Variants in GCA observed in about 807,000 individuals in gnomAD.
GCA encodes the protein grancalcin, EF-hand calcium-binding protein.
GCA carries 30 observed loss-of-function variants against 32.6 expected under a neutral mutation model. The observed-to-expected ratio is 0.92, with a 90% CI of 0.69 to 1.25. The LOEUF (loss-of-function observed/expected upper bound fraction) is 1.25, where lower values mean the gene tolerates loss of function less well. GCA is among the 50% of genes most tolerant of loss of function. The probability of loss-of-function intolerance (pLI) is 0.00; values close to 1 mark genes in which losing one functional copy is unlikely to be tolerated. For synonymous variants in GCA, 102 were observed against 84.6 expected, an observed-to-expected ratio of 1.21 and a Z score of -1.13; for missense variants, 291 against 266.8, an observed-to-expected ratio of 1.09 and a Z score of -0.63.
At chr2:162,372,735 A>C (rs1040164939), downstream of GCA, among the ~76,000 whole-genome samples, 24 of 152,156 alleles carry the variant, frequency 1.6e-4, no homozygotes, top group African/African-American at 5.8e-4. Flanking sequence ...ACAAATCTTT[A>C]TTTAAATCAT....
intron 1 of GCA, among the ~76,000 whole-genome samples, chr2:162,336,303 G>T (rs751462886): frequency 3.3e-5 from 5 of 152,090 alleles, no homozygotes; most frequent in Non-Finnish European, 5.9e-5. Flanking sequence ...TTGATGTGTA[G>T]ATTTATTTAA....
chr2:162,322,094 A>C (rs1190442140), intron 1 of GCA, among the ~76,000 whole-genome samples: 2 of 150,310 alleles, frequency 1.3e-5, no homozygotes, highest in African/African-American at 2.5e-5. Flanking sequence ...AGTAAGCCTA[A>C]AATAGAAAAA....
intron 1 of GCA, among the ~76,000 whole-genome samples, chr2:162,345,474 T>C (rs1381102944): frequency 6.6e-6 from 1 of 152,180 alleles, no homozygotes; most frequent in African/African-American, 2.4e-5. Flanking sequence ...AATTCATATA[T>C]GTATGGTAGA....
chr2:162,334,025 TG>T (rs1302860271), intron 1 of GCA, among the ~76,000 whole-genome samples: 1 of 152,190 alleles, frequency 6.6e-6, no homozygotes, highest in African/African-American at 2.4e-5. Flanking sequence ...TTTGAAGAGG[TG>T]GCAGGGACAA....
At chr2:162,319,896 A>G (rs1683602948) in intron 1 of GCA, among the ~76,000 whole-genome samples, 1 of 152,222 alleles carries the variant, frequency 6.6e-6, no homozygotes, top group Admixed American at 6.5e-5. Flanking sequence ...AGGATAATAG[A>G]AGTACAGAGT....
At chr2:162,322,470 A>C (rs1015013987) in intron 1 of GCA, among the ~76,000 whole-genome samples, 2 of 151,210 alleles carry the variant, frequency 1.3e-5, no homozygotes, top group East Asian at 1.9e-4. Context: ...GGTTGGTTAC[A>C]TATGTATACA....
rs546998138 is a variant in GCA at position 162,347,131 on chromosome 2, A to C, written c.28-447A>C. Among the ~76,000 whole-genome samples, 14 of 152,338 alleles carry C rather than the reference A, an allele frequency of 9.2e-5. No individual in the cohort carries two copies. In the South Asian group the frequency reaches 2.9e-3, roughly 32 times the overall value. ...ATTTTAAGTTTAAATAGTTGTAAAG[A>C]ATACAATACCCAACATATTGTAAAT... On this transcript the variant is annotated intron_variant, in intron 1 of 7. Transcript: ENST00000437150.
chr2:162,368,647 A>G (rs1685831079), intron 4 of GCA, among the ~76,000 whole-genome samples: 1 of 152,014 alleles, frequency 6.6e-6, no homozygotes. Context: ...CTTGTAAGCA[A>G]TTCTTACACA....
In GCA at chr2:162,361,801, T is replaced by C; in HGVS notation, c.*1558T>C. On this transcript the variant is annotated 3_prime_UTR_variant, in exon 8 of 8. Transcript: ENST00000437150. ...GGAAATTAAAGAAACAGAATTCTAATTAGAAGTGTTGTAGGAAAAAGCAAA... is the reference window on the plus strand; with the variant it reads ...GGAAATTAAAGAAACAGAATTCTAACTAGAAGTGTTGTAGGAAAAAGCAAA... The C allele has an allele frequency of 6.1e-6, 6 of 984,182 alleles. No individual in the cohort carries two copies. Among genetic ancestry groups the C allele is most frequent in the Non-Finnish European group, 7.2e-6 (6 of 829,024 alleles). The allele number at this position is 984,182 out of a possible 1,614,324, so 61.0% of individuals were successfully genotyped here. A position where few individuals can be genotyped will look rare whatever the true frequency, so the allele number is the denominator to read the frequency against.
intron 1 of GCA, among the ~76,000 whole-genome samples, chr2:162,330,318 G>A (rs1162533105): frequency 2.6e-5 from 4 of 152,008 alleles, no homozygotes; most frequent in African/African-American, 7.3e-5. Context: ...CTTTTTCTCC[G>A]TAACCTTGCC....
At position 162,360,438 on chromosome 2, in the gene GCA, C is replaced by CT; in HGVS notation, c.*199dup. On this transcript the variant is annotated 3_prime_UTR_variant, in exon 8 of 8. Transcript: ENST00000437150. ...TCTTTTTTAATTTGAGGTATTACTG[C>CT]TTTTGGAAAAGTTATTTTATAAATA... 5.2e-6 allele frequency: 6 copies of CT among 1,147,632 alleles called. No homozygotes were observed. The highest frequency in any genetic ancestry group is 5.7e-6 in the Non-Finnish European group (5 of 877,954). The allele number at this position is 1,147,632 out of a possible 1,614,324, so 71.1% of individuals were successfully genotyped here.
downstream of GCA, chr2:162,373,684 G>GA: frequency 7.0e-7 from 1 of 1,423,960 alleles, no homozygotes; most frequent in Non-Finnish European, 9.2e-7. Context: ...ACAGAAGTAG[G>GA]AAAAGACAGT....
intron 1 of GCA, among the ~76,000 whole-genome samples, chr2:162,345,134 G>GGTGGTT (rs1404529265): frequency 2.7e-5 from 4 of 149,352 alleles, no homozygotes; most frequent in African/African-American, 9.9e-5. Context: ...TGGTGGTGGT[G>GGTGGTT]GTTGTGGTTG....
chr2:162,366,305 G>T (rs1260964720), downstream of GCA, among the ~76,000 whole-genome samples: 1 of 151,716 alleles, frequency 6.6e-6, no homozygotes, highest in Non-Finnish European at 1.5e-5. Context: ...ATCATGAATG[G>T]TACAGCAATG....
At position 162,334,720 on chromosome 2, in the gene GCA, G is replaced by A. The variant is rs1684208938; in HGVS notation, c.-30-12858G>A. On this transcript the variant is annotated intron_variant, in intron 1 of 4. Coordinates refer to the GCA transcript ENST00000429691. ...TAAGCTTCACAAGGACAGGCAACATGTCTTCATTATTTTTGAATCCTCAAT... is the reference window on the plus strand; with the variant it reads ...TAAGCTTCACAAGGACAGGCAACATATCTTCATTATTTTTGAATCCTCAAT... Among the ~76,000 whole-genome samples the A allele has an allele frequency of 2.6e-5, 4 of 152,158 alleles. No homozygotes were observed. In the South Asian group the frequency reaches 6.2e-4, roughly 24 times the overall value.
chr2:162,329,082 G>A (rs911107532), intron 1 of GCA, among the ~76,000 whole-genome samples: 3 of 152,026 alleles, frequency 2.0e-5, no homozygotes, highest in African/African-American at 7.3e-5. Context: ...CTCCTTCTAT[G>A]TCTGCCTGCT....
At chr2:162,335,458 T>C (rs902083707) in intron 1 of GCA, among the ~76,000 whole-genome samples, 2 of 150,490 alleles carry the variant, frequency 1.3e-5, no homozygotes, top group Non-Finnish European at 2.9e-5. Context: ...AAAGTGGAGA[T>C]TCCCTGTAGC....
chr2:162,358,335 TCAAA>T (rs908472744), intron 5 of GCA, among the ~76,000 whole-genome samples: 1 of 151,482 alleles, frequency 6.6e-6, no homozygotes, highest in Non-Finnish European at 1.5e-5. Context: ...ATAGGAGTAA[TCAAA>T]CAATAATACA....
At chr2:162,351,356 C>T (rs935623736) in intron 2 of GCA, among the ~76,000 whole-genome samples, 1 of 152,184 alleles carries the variant, frequency 6.6e-6, no homozygotes, top group Non-Finnish European at 1.5e-5. Flanking sequence ...TAAAATCTTG[C>T]TGCCTAACGA....
Sources: gnomAD v4.1 joint callset for allele counts (sites outside exome capture counted in the v4.1 genomes callset) on GRCh38, gnomAD v4.1.1 for gene constraint, MANE v1.5 for transcripts, NCBI Gene and HGNC (gene_info 2026-07-23, HGNC 2026-07-21) for gene names.